Variants in RPGRIP1 observed in about 807,000 individuals in gnomAD.
RPGRIP1 encodes the protein X-linked retinitis pigmentosa GTPase regulator-interacting protein 1.
A neutral mutation model predicts 157.9 loss-of-function variants in RPGRIP1; 128 were observed. The ratio of observed to expected loss-of-function variants is 0.81; its 90% CI spans 0.70 to 0.94. The LOEUF (loss-of-function observed/expected upper bound fraction) is 0.94. RPGRIP1 is among the 40% of genes least tolerant of loss of function. The probability of loss-of-function intolerance (pLI) is 0.00; values close to 1 mark genes in which losing one functional copy is unlikely to be tolerated. For synonymous variants in RPGRIP1, 554 were observed against 571.6 expected, an observed-to-expected ratio of 0.97 and a Z score of 0.44; for missense variants, 1,486 against 1,545.8, an observed-to-expected ratio of 0.96 and a Z score of 0.65.
At chr14:21,322,118 T>A in intron 14 of RPGRIP1, 114 bp downstream of exon 14, 1 of 826,992 alleles carries the variant, frequency 1.2e-6, no homozygotes, top group Non-Finnish European at 1.8e-6. Flanking sequence ...GCATATGACT[T>A]ATCCTTCTTG....
At chr14:21,350,608 TTTTTC>T in intron 24 of RPGRIP1, among the ~76,000 whole-genome samples, 1 of 152,334 alleles carries the variant, frequency 6.6e-6, no homozygotes, top group African/African-American at 2.4e-5. Flanking sequence ...ATCCTTAGTC[TTTTTC>T]CTCATCTATA....
intron 21 of RPGRIP1, among the ~76,000 whole-genome samples, chr14:21,340,582 G>C (rs759141987): frequency 1.3e-5 from 2 of 152,130 alleles, no homozygotes; most frequent in Non-Finnish European, 2.9e-5. Context: ...TTGAACCTGG[G>C]AGTCAGAGGT....
chr14:21,345,475 C>T (rs1014853846), intron 23 of RPGRIP1, among the ~76,000 whole-genome samples: 3 of 151,962 alleles, frequency 2.0e-5, no homozygotes, highest in Non-Finnish European at 2.9e-5. Context: ...GATCTTGGCT[C>T]ACTGCAACCT....
chr14:21,281,704 A>AATAAT lies in RPGRIP1; in HGVS notation c.-39+1546_-39+1547insTAATA, dbSNP rs1555363835. Among the ~76,000 whole-genome samples, 471 of 133,950 alleles carry AATAAT rather than the reference A, an allele frequency of 3.5e-3. 2 individuals are homozygous for AATAAT. Among genetic ancestry groups the AATAAT allele is most frequent in the African/African-American group, 0.01 (350 of 33,844 alleles). 87.9% of individuals were successfully genotyped at this position (133,950 alleles called of 152,430 possible). A position where few individuals can be genotyped will look rare whatever the true frequency, so the allele number is the denominator to read the frequency against. On this transcript the variant is annotated intron_variant, in intron 1 of 24. Transcript: ENST00000400017. ...ACCTTGTCTCAAAAAAAAAAAAAAT[A>AATAAT]AATAATAATAATAATAATAATAATA...
chr14:21,295,798 G>C lies in RPGRIP1; in HGVS notation c.218+989G>C, dbSNP rs1232116844. ...CCAATTTTTATTTATTTTTGAGACA[G>C]AGTCTCACTCTGTTTGGGCTGGAGT... On this transcript the variant is annotated intron_variant, in intron 3 of 24. Coordinates refer to ENST00000400017, the MANE Select transcript of RPGRIP1 (RefSeq NM_020366.4). Among the ~76,000 whole-genome samples, 4 of 151,930 alleles carry C rather than the reference G, an allele frequency of 2.6e-5. No individual in the cohort carries two copies. In the South Asian group the frequency reaches 8.3e-4, roughly 32 times the overall value.
intron 6 of RPGRIP1, among the ~76,000 whole-genome samples, chr14:21,304,398 A>AGAAT: frequency 1.9e-5 from 1 of 51,320 alleles, no homozygotes; most frequent in African/African-American, 7.7e-5. Context: ...AGAGAAAGAA[A>AGAAT]GAAAGAAAGA....
chr14:21,328,746 G>A (rs1320941482), intron 19 of RPGRIP1, 119 bp downstream of exon 19: 1 of 726,146 alleles, frequency 1.4e-6, no homozygotes, highest in Non-Finnish European at 2.2e-6. Flanking sequence ...TAATCGGCCG[G>A]GCATGGTGGC....
intron 21 of RPGRIP1, among the ~76,000 whole-genome samples, chr14:21,335,647 G>A (rs1884277965): frequency 2.0e-5 from 3 of 152,046 alleles, no homozygotes; most frequent in Non-Finnish European, 2.9e-5. Context: ...TGGCTAACAC[G>A]GTGAAACCCC....
intron 1 of RPGRIP1, among the ~76,000 whole-genome samples, chr14:21,281,039 GAC>G (rs1880106257): frequency 6.8e-6 from 1 of 147,024 alleles, no homozygotes; most frequent in Non-Finnish European, 1.5e-5. Flanking sequence ...TTTTTTTTGA[GAC>G]AGAATCTCTC....
At position 21,294,909 on chromosome 14, in the gene RPGRIP1, A is replaced by T. The variant is rs919462616; in HGVS notation, c.218+100A>T. ...GCCCAGGCTGGAATGCAGTGGCATG[A>T]TCTTGGCTCACTGCAACCTCCGCCT... On this transcript the variant is annotated intron_variant, in intron 3 of 24. Transcript: ENST00000400017. 7.8e-6 allele frequency: 8 copies of T among 1,031,416 alleles called. No individual in the cohort carries two copies. The African/African-American group carries it at 1.5e-4, about 20-fold the overall frequency. 63.9% of individuals were successfully genotyped at this position (1,031,416 alleles called of 1,614,324 possible).
intron 5 of RPGRIP1, 149 bp downstream of exon 5, chr14:21,302,733 A>G: frequency 2.2e-6 from 1 of 455,220 alleles, no homozygotes; most frequent in Non-Finnish European, 3.9e-6. Flanking sequence ...TTCCAACTTC[A>G]TTGCTTAAAA....
intron 2 of RPGRIP1, 95 bp from the exon 3 acceptor site, chr14:21,294,582 A>G: frequency 7.9e-7 from 1 of 1,264,034 alleles, no homozygotes. Context: ...CTCAAGATAG[A>G]TTTATGCTCT....
In RPGRIP1 at chr14:21,348,297, T is replaced by G; in HGVS notation, c.3743T>G (p.Leu1248Arg). ...ESGRDILEQELDIVSPEDLAT... is the reference protein window; with the variant it reads ...ESGRDILEQERDIVSPEDLAT... ...GGAAGAGATATTCTAGAGCAAGAGC[T>G]AGACAGTGAGTCATTTTTTTTTCAG... Residue 1248 changes from leucine (L) to arginine (R), a missense_variant, in exon 24 of 25, where the codon CTA becomes CGA. Physicochemically the swap from Leu to Arg is moderately radical, Grantham distance 102 (BLOSUM62 -2). Coordinates refer to ENST00000400017, the MANE Select transcript of RPGRIP1 (RefSeq NM_020366.4). 1 of 1,565,646 alleles carries G rather than the reference T, an allele frequency of 6.4e-7. No homozygotes were observed. Among genetic ancestry groups the G allele is most frequent in the Non-Finnish European group, 8.6e-7 (1 of 1,160,226 alleles).
chr14:21,351,105 T>C lies in RPGRIP1; in HGVS notation c.3750T>C (p.Ile1250=), dbSNP rs1477908176. ...GRDILEQELD[I]VSPEDLATPI... is the part of the protein sequence containing the mutation. ...CTGTTTTTTTCCCTTTCCCAACAGT[T>C]GTTAGCCCTGAAGATCTGGCTACCC... Residue 1250 remains isoleucine, a splice_region_variant and synonymous_variant, in exon 25 of 25, where the codon ATT becomes ATC. Coordinates refer to ENST00000400017, the MANE Select transcript of RPGRIP1 (RefSeq NM_020366.4). 6.3e-7 allele frequency: 1 copy of C among 1,597,172 alleles called. No individual in the cohort carries two copies. The highest frequency in any genetic ancestry group is 8.6e-7 in the Non-Finnish European group (1 of 1,167,836).
chr14:21,329,504 CTTT>C (rs1400332697), intron 19 of RPGRIP1, among the ~76,000 whole-genome samples: 4 of 137,594 alleles, frequency 2.9e-5, no homozygotes, highest in Non-Finnish European at 3.2e-5. Context: ...CAAGTACTCA[CTTT>C]TTTTTTTTTT....
At chr14:21,306,224 C>T (rs558298314) in intron 6 of RPGRIP1, among the ~76,000 whole-genome samples, 7 of 131,284 alleles carry the variant, frequency 5.3e-5, no homozygotes, top group Admixed American at 1.8e-4. Flanking sequence ...CTCCATCTTC[C>T]GGGTTCAAGC....
intron 12 of RPGRIP1, among the ~76,000 whole-genome samples, 200 bp from the exon 13 acceptor site, chr14:21,321,059 A>G (rs2139207146): frequency 6.6e-6 from 1 of 152,356 alleles, no homozygotes; most frequent in East Asian, 1.9e-4. Context: ...TAGTGGCTGT[A>G]TCATCTCCCT....
At chr14:21,335,363 G>A (rs910195050) in intron 21 of RPGRIP1, among the ~76,000 whole-genome samples, 2 of 152,020 alleles carry the variant, frequency 1.3e-5, no homozygotes, top group Non-Finnish European at 2.9e-5. Context: ...TAAGGAAAAC[G>A]GGTTTGCTTT....
At chr14:21,300,478 A>G (rs1457034672) in intron 3 of RPGRIP1, among the ~76,000 whole-genome samples, 1 of 152,154 alleles carries the variant, frequency 6.6e-6, no homozygotes, top group Non-Finnish European at 1.5e-5. Flanking sequence ...GATAACAAAT[A>G]AAAATTGTTA....
Sources: gnomAD v4.1 joint callset for allele counts (sites outside exome capture counted in the v4.1 genomes callset) on GRCh38, gnomAD v4.1.1 for gene constraint, MANE v1.5 for transcripts, NCBI Gene and HGNC (gene_info 2026-07-23, HGNC 2026-07-21) for gene names.